The following LRP2 variants were observed in gnomAD, a reference collection of about 807,000 sequenced individuals.
LRP2 encodes low-density lipoprotein receptor-related protein 2.
A neutral mutation model predicts 531.0 loss-of-function variants in LRP2; 172 were observed. The ratio of observed to expected loss-of-function variants is 0.32; its 90% CI spans 0.29 to 0.37. The LOEUF is 0.37. Ranked by LOEUF, LRP2 falls within the 10% of genes least tolerant of loss-of-function variation. The pLI is 1.00. For synonymous variants in LRP2, 1,992 were observed against 2,027.6 expected (o/e 0.98, Z 0.47); for missense variants, 5,167 against 5,868.3 (o/e 0.88, Z 3.90).
At chr2:169,358,287 A>G (rs1468468820) in intron 1 of LRP2, among the ~76,000 whole-genome samples, 1 of 152,188 alleles carries the variant, frequency 6.6e-6, no homozygotes. Context: ...CAAGAAACCT[A>G]TTAACCGCCT....
chr2:169,302,586 G>A (rs912350668), intron 4 of LRP2, among the ~76,000 whole-genome samples: 11 of 152,106 alleles, frequency 7.2e-5, no homozygotes, highest in Non-Finnish European at 1.0e-4. Context: ...AGAACTGTCC[G>A]GTCCCAAATG....
At chr2:169,166,191 A>G (rs986079832) in intron 61 of LRP2, 137 bp from the exon 62 acceptor site, 7 of 842,634 alleles carry the variant, frequency 8.3e-6, no homozygotes, top group Non-Finnish European at 1.4e-5. Context: ...CAATCAGCAG[A>G]TACACCTTAC....
Position 169,213,723 on chromosome 2 carries a change from C to T in LRP2, c.5974G>A (p.Ala1992Thr), listed in dbSNP as rs1688678568. 3.1e-6 allele frequency: 5 copies of T among 1,613,630 alleles called. No individual in the cohort carries two copies. Among genetic ancestry groups the T allele is most frequent in the Non-Finnish European group, 4.2e-6 (5 of 1,179,812 alleles). The change falls in exon 36 of 79, where the codon GCC (alanine) becomes ACC (threonine). Residue 1992 changes from alanine to threonine, a missense_variant. Physicochemically the swap from Ala to Thr is moderately conservative, Grantham distance 58 (BLOSUM62 0). Around this residue, in one of 6 missense-constraint regions of LRP2, gnomAD observed 2,811 missense variants for 3,058.0 expected, o/e 0.92. Transcript: ENST00000649046. ...VIERVDKATG[A>T]NKIVLRDNVP... Reference sequence around the variant, plus strand: ...TTATCTCTCAAGACTATTTTGTTGGCCCCAGTGGCCTTATCAACTCTTTCA... The same window carrying T: ...TTATCTCTCAAGACTATTTTGTTGGTCCCAGTGGCCTTATCAACTCTTTCA...
intron 3 of LRP2, among the ~76,000 whole-genome samples, chr2:169,317,880 C>T (rs1684807333): frequency 6.6e-6 from 1 of 152,028 alleles, no homozygotes. Flanking sequence ...GATTCCAGAC[C>T]AGCCTGGGAA....
intron 37 of LRP2, among the ~76,000 whole-genome samples, chr2:169,211,749 T>C (rs1688600687): frequency 6.6e-6 from 1 of 152,160 alleles, no homozygotes. Flanking sequence ...CAGAAAAATC[T>C]GGGGACGAGG....
At chr2:169,359,668 G>A (rs78849671) in intron 1 of LRP2, among the ~76,000 whole-genome samples, 4,943 of 152,228 alleles carry the variant, frequency 0.032, 130 homozygotes, top group Non-Finnish European at 0.05. Context: ...GGAATGGGGA[G>A]ACTTGGGTTC....
In LRP2 at chr2:169,292,173, A is replaced by AG. The variant is rs1438734451; in HGVS notation, c.769+79_769+80insC. The AG allele has an allele frequency of 5.3e-6, 6 of 1,133,488 alleles. No homozygotes were observed. The African/African-American group carries it at 9.2e-5, about 17-fold the overall frequency. The allele number at this position is 1,133,488 out of a possible 1,614,324, so 70.2% of individuals were successfully genotyped here. A position where few individuals can be genotyped will look rare whatever the true frequency, so the allele number is the denominator to read the frequency against. On this transcript the variant is annotated intron_variant, in intron 7 of 78. Transcript: ENST00000649046. ...GGCTTGCTTGTCACACAAAATTTCT[A>AG]AAAAGGAAAGGAGAAAAAACAAGCG... is the stretch of plus-strand genomic sequence containing the variant.
chr2:169,193,026 T>C (rs1306781718), intron 47 of LRP2, among the ~76,000 whole-genome samples: 4 of 152,208 alleles, frequency 2.6e-5, no homozygotes, highest in Non-Finnish European at 5.9e-5. Flanking sequence ...ATGAAAATGA[T>C]GTTCCATTAT....
chr2:169,312,995 C>T (rs564426693), intron 3 of LRP2, among the ~76,000 whole-genome samples: 3 of 152,312 alleles, frequency 2.0e-5, no homozygotes, highest in East Asian at 3.9e-4. Context: ...TTGATCGAAA[C>T]GGCTATTGAC....
chr2:169,226,738 C>A lies in LRP2; in HGVS notation c.5228-150G>T, dbSNP rs112160178. ...AATATAATGTACTTCATCAGACAAGCATGGGCCTTTCCCAGGGTTTCAGTG... is the reference window on the plus strand; with the variant it reads ...AATATAATGTACTTCATCAGACAAGAATGGGCCTTTCCCAGGGTTTCAGTG... On this transcript the variant is annotated intron_variant, in intron 31 of 78. Transcript: ENST00000649046. 6.7e-3 allele frequency: 4,723 copies of A among 700,270 alleles called. 60 individuals are homozygous for A. Among genetic ancestry groups the A allele is most frequent in the Middle Eastern group, 0.039 (100 of 2,596 alleles). 43.4% of individuals were successfully genotyped at this position (700,270 alleles called of 1,614,324 possible).
chr2:169,168,025 A>ATATATATATATATATATATG lies in LRP2; in HGVS notation c.11635+513_11635+514insCATATATATATATATATATA, dbSNP rs1261251159. ...CAAACAAGCAGGGTTTAAAATATAT[A>ATATATATATATATATATATG]TATATATATATATATATATATGCAT... On this transcript the variant is annotated intron_variant, in intron 61 of 78. Transcript: ENST00000649046. 1.7e-5 allele frequency among the ~76,000 whole-genome samples: 2 copies of ATATATATATATATATATATG among 119,248 alleles called. 1 individual carries two copies. Among genetic ancestry groups the ATATATATATATATATATATG allele is most frequent in the Non-Finnish European group, 3.7e-5 (2 of 53,430 alleles). The allele number at this position is 119,248 out of a possible 152,430, so 78.2% of individuals were successfully genotyped here.
intron 4 of LRP2, among the ~76,000 whole-genome samples, chr2:169,298,845 T>C (rs970496050): frequency 1.3e-5 from 2 of 151,728 alleles, no homozygotes; most frequent in Admixed American, 1.3e-4. Context: ...GTTAGTCTCA[T>C]GAAGGTACCA....
chr2:169,292,320 G>T lies in LRP2; in HGVS notation c.702C>A (p.Cys234Ter). Reference sequence around the variant, plus strand: ...CATCACAAACCCAGTTTTGATAAATGCATCGGCCACTGGGGCAAGTGAACT... The same window carrying T: ...CATCACAAACCCAGTTTTGATAAATTCATCGGCCACTGGGGCAAGTGAACT... Reference protein sequence around the residue: ...GYQFTCPSGRCIYQNWVCDGE... With the variant: ...GYQFTCPSGR The change falls in exon 7 of 79, where the codon TGC (cysteine) becomes TGA (stop). Residue 234 changes from cysteine (C) to a stop codon, truncating the protein, a stop_gained. Transcript: ENST00000649046. LOFTEE classifies it high-confidence loss of function. The T allele has an allele frequency of 6.2e-7, 1 of 1,614,052 alleles. No individual in the cohort carries two copies. The highest frequency in any genetic ancestry group is 8.5e-7 in the Non-Finnish European group (1 of 1,179,970).
chr2:169,175,633 A>G (rs1185193085), intron 54 of LRP2, among the ~76,000 whole-genome samples: 4 of 111,864 alleles, frequency 3.6e-5, no homozygotes, highest in African/African-American at 1.1e-4. Context: ...TGATGAATAA[A>G]TTTCCTCCAC....
rs776736184 is a variant in LRP2, at chr2:169,142,701, C to T, written c.13081G>A (p.Glu4361Lys). ...CACPQGSSFI[E>K]GSTTECDAAI... Reference sequence around the variant, plus strand: ...GCATCACACTCAGTGGTGCTCCCCTCTATAAAGCTGGAGCCTTGGGGACAG... The same window carrying T: ...GCATCACACTCAGTGGTGCTCCCCTTTATAAAGCTGGAGCCTTGGGGACAG... Residue 4361 changes from glutamate to lysine, a missense_variant, in exon 71 of 79, where the codon GAG becomes AAG. Physicochemically the swap from Glu to Lys is moderately conservative, Grantham distance 56. This residue lies in a region of LRP2 where 348 missense variants were observed against 369.3 expected (regional missense o/e 0.94). Transcript: ENST00000649046. 4.3e-6 allele frequency: 7 copies of T among 1,614,102 alleles called. No homozygotes were observed. In the East Asian group the frequency reaches 1.1e-4, roughly 26 times the overall value.
intron 16 of LRP2, among the ~76,000 whole-genome samples, chr2:169,266,915 T>A (rs1476035444): frequency 7.0e-6 from 1 of 143,296 alleles, no homozygotes; most frequent in Non-Finnish European, 1.5e-5. Context: ...CGAGATAGGG[T>A]TGCACTCTGT....
intron 1 of LRP2, among the ~76,000 whole-genome samples, chr2:169,327,123 G>A (rs867860762): frequency 1.6e-3 from 222 of 140,842 alleles, no homozygotes; most frequent in South Asian, 4.5e-3. Flanking sequence ...CGCCCCATCC[G>A]GGAGGGAGGT....
chr2:169,142,691 G>T lies in LRP2; in HGVS notation c.13091C>A (p.Thr4364Asn). 4 of 1,614,030 alleles carry T rather than the reference G, an allele frequency of 2.5e-6. No individual in the cohort carries two copies. Among genetic ancestry groups the T allele is most frequent in the Non-Finnish European group, 3.4e-6 (4 of 1,179,932 alleles). Residue 4364 changes from threonine (T) to asparagine (N), a missense_variant, in exon 71 of 79, where the codon ACC (threonine) becomes AAC (asparagine). Physicochemically the swap from Thr to Asn is moderately conservative, Grantham distance 65 (BLOSUM62 0). This residue lies in a region of LRP2 where 348 missense variants were observed against 369.3 expected (regional missense o/e 0.94). Transcript: ENST00000649046. ...PQGSSFIEGSTTECDAAIELP... is the reference protein window; with the variant it reads ...PQGSSFIEGSNTECDAAIELP... ...GCTCCTACCTGCATCACACTCAGTGGTGCTCCCCTCTATAAAGCTGGAGCC... is the reference window on the plus strand; with the variant it reads ...GCTCCTACCTGCATCACACTCAGTGTTGCTCCCCTCTATAAAGCTGGAGCC...
At chr2:169,245,061 C>T in intron 21 of LRP2, 129 bp from the exon 22 acceptor site, 1 of 971,878 alleles carries the variant, frequency 1.0e-6, no homozygotes, top group Non-Finnish European at 1.6e-6. Context: ...AAATGTTCAT[C>T]AAGTGATGTC....
Sources: gnomAD v4.1 joint callset for allele counts (sites outside exome capture counted in the v4.1 genomes callset) on GRCh38, gnomAD v4.1.1 for gene constraint, gnomAD v4.1.1 regional missense constraint, MANE v1.5 for transcripts, NCBI Gene and HGNC (gene_info 2026-07-23, HGNC 2026-07-21) for gene names.